KNDC1: variants seen among roughly 807,000 people sequenced by gnomAD.
The protein encoded by KNDC1 is kinase non-catalytic C-lobe domain-containing protein 1.
A neutral mutation model predicts 172.8 loss-of-function variants in KNDC1; 106 were observed. That is an observed-to-expected ratio of 0.61 (90% CI 0.52 to 0.72). The LOEUF (loss-of-function observed/expected upper bound fraction) is 0.72, where lower values mean the gene tolerates loss of function less well. Among genes scored for constraint, KNDC1 ranks in the 30% least tolerant of loss-of-function variants. KNDC1 has a pLI of 0.00. For synonymous variants in KNDC1, 1,083 were observed against 1,062.2 expected (o/e 1.02, Z -0.38); for missense variants, 2,325 against 2,394.5 (o/e 0.97, Z 0.61).
intron 3 of KNDC1, among the ~76,000 whole-genome samples, chr10:133,182,928 G>T (rs1352847580): frequency 2.4e-4 from 2 of 8,304 alleles, no homozygotes; most frequent in Admixed American, 2.6e-3. Context: ...GGCACGGACG[G>T]TGTGGGCACA....
At chr10:133,166,135 A>T (rs1257564578) in intron 1 of KNDC1, among the ~76,000 whole-genome samples, 1 of 151,828 alleles carries the variant, frequency 6.6e-6, no homozygotes, top group Non-Finnish European at 1.5e-5. Flanking sequence ...GGGTAGGGGG[A>T]CCGGAGGCAG....
chr10:133,170,357 A>G (rs999962752), intron 3 of KNDC1, among the ~76,000 whole-genome samples: 56 of 151,170 alleles, frequency 3.7e-4, no homozygotes, highest in Non-Finnish European at 6.0e-4. Flanking sequence ...GGGGCCTGGG[A>G]TCTGGGGTCT....
At chr10:133,220,199 G>C in intron 29 of KNDC1, 87 bp downstream of exon 29, 1 of 946,648 alleles carries the variant, frequency 1.1e-6, no homozygotes, top group Non-Finnish European at 1.5e-6. Context: ...TCAGGCGGCC[G>C]CGCGCCCAGG....
intron 9 of KNDC1, among the ~76,000 whole-genome samples, chr10:133,190,489 G>A (rs974759643): frequency 1.3e-4 from 20 of 152,230 alleles, no homozygotes; most frequent in South Asian, 2.1e-4. Flanking sequence ...GACGGCAGCC[G>A]GCGAGGGGCC....
Position 133,206,791 on chromosome 10 carries a change from T to G in KNDC1, c.3481+13T>G, listed in dbSNP as rs1845207044. 6.2e-7 allele frequency: 1 copy of G among 1,613,812 alleles called. No individual in the cohort carries two copies. The highest frequency in any genetic ancestry group is 8.5e-7 in the Non-Finnish European group (1 of 1,179,766). On this transcript the variant is annotated intron_variant, in intron 18 of 29. Coordinates refer to ENST00000304613, the MANE Select transcript of KNDC1 (RefSeq NM_152643.8). ...AAGAGGAACAAAGGTAAGGCCCCTGTGGGCACAGGTCCGAGACCCTGGCTG... is the reference window on the plus strand; with the variant it reads ...AAGAGGAACAAAGGTAAGGCCCCTGGGGGCACAGGTCCGAGACCCTGGCTG...
chr10:133,206,881 C>T lies in KNDC1; in HGVS notation c.3507C>T (p.Ser1169=), dbSNP rs2136012768. 6.2e-7 allele frequency: 1 copy of T among 1,614,158 alleles called. No homozygotes were observed. The highest frequency in any genetic ancestry group is 2.2e-5 in the East Asian group (1 of 44,882). The change falls in exon 19 of 30, where the codon TCC becomes TCT. Residue 1169 remains serine (S), a synonymous_variant. Coordinates refer to ENST00000304613, the MANE Select transcript of KNDC1 (RefSeq NM_152643.8). The part of the protein sequence containing the change: ...NKGSDVKTML[S]KLKGQLEEMK... ...GTTCCGACGTCAAGACCATGCTGTC[C>T]AAGCTGAAAGGGCAGCTAGAAGAAA... is the stretch of plus-strand genomic sequence containing the variant.
At chr10:133,165,902 A>G (rs1052998519) in intron 1 of KNDC1, among the ~76,000 whole-genome samples, 1 of 152,174 alleles carries the variant, frequency 6.6e-6, no homozygotes, top group Non-Finnish European at 1.5e-5. Flanking sequence ...AAGAGCTGGA[A>G]GGGCCTGGGA....
intron 1 of KNDC1, among the ~76,000 whole-genome samples, chr10:133,166,469 G>A (rs968514098): frequency 3.9e-5 from 6 of 152,172 alleles, no homozygotes; most frequent in East Asian, 1.9e-4. Context: ...ATGTCTGTGC[G>A]TGCATATGGT....
chr10:133,176,440 T>G (rs1268823997), intron 3 of KNDC1, among the ~76,000 whole-genome samples: 3 of 152,140 alleles, frequency 2.0e-5, no homozygotes, highest in Non-Finnish European at 4.4e-5. Flanking sequence ...GAATCACTGT[T>G]GAGAGCATGA....
intron 3 of KNDC1, among the ~76,000 whole-genome samples, chr10:133,172,201 A>G (rs1354355788): frequency 6.6e-6 from 1 of 152,092 alleles, no homozygotes; most frequent in Non-Finnish European, 1.5e-5. Context: ...CCCCCATTCT[A>G]AAAAGAGCGC....
At chr10:133,177,128 T>C (rs1298480517) in intron 3 of KNDC1, among the ~76,000 whole-genome samples, 1 of 152,206 alleles carries the variant, frequency 6.6e-6, no homozygotes, top group East Asian at 1.9e-4. Flanking sequence ...AATGTATCCA[T>C]GTCCATGTCC....
At position 133,220,062 on chromosome 10, in the gene KNDC1, G is replaced by A. The variant is rs1845550764; in HGVS notation, c.4968G>A (p.Glu1656=). ...TGGCCATGCACATCCAGCAGCTGGA[G>A]ACAGGCGGCTTCACCATGACCAACG... ...HLLAMHIQQL[E]TGGFTMTNGA... The change falls in exon 29 of 30, where the codon GAG becomes GAA. Residue 1656 remains glutamate, a synonymous_variant. Coordinates refer to ENST00000304613, the MANE Select transcript of KNDC1 (RefSeq NM_152643.8). 6.4e-7 allele frequency: 1 copy of A among 1,565,704 alleles called. No homozygotes were observed. The highest frequency in any genetic ancestry group is 2.4e-5 in the East Asian group (1 of 42,330).
rs550148739 is a variant in KNDC1, at chr10:133,215,337, A to G, written c.4677+1215A>G. Among the ~76,000 whole-genome samples, 47 of 152,328 alleles carry G rather than the reference A, an allele frequency of 3.1e-4. No homozygotes were observed. The South Asian group carries it at 9.1e-3, about 30-fold the overall frequency. On this transcript the variant is annotated intron_variant, in intron 26 of 29. Transcript: ENST00000304613. ...GGCGGCAAAGCCACCTCCACGGTGG[A>G]CAGAGCTTCCCTTCCTATTATTCCT... is the stretch of plus-strand genomic sequence containing the variant.
At chr10:133,187,256 C>G (rs1221263739) in intron 6 of KNDC1, among the ~76,000 whole-genome samples, 1 of 152,230 alleles carries the variant, frequency 6.6e-6, no homozygotes, top group Non-Finnish European at 1.5e-5. Context: ...CCAGTGCTGC[C>G]CCTGGTCAGC....
chr10:133,210,388 A>G (rs1259639972), intron 20 of KNDC1, among the ~76,000 whole-genome samples: 1 of 139,514 alleles, frequency 7.2e-6, no homozygotes, highest in African/African-American at 2.6e-5. Context: ...AAAAAAAAAA[A>G]AGGCCCTGGT....
chr10:133,164,801 G>C (rs894649836), intron 1 of KNDC1, among the ~76,000 whole-genome samples: 1 of 152,210 alleles, frequency 6.6e-6, no homozygotes, highest in Non-Finnish European at 1.5e-5. Context: ...TGGTCGTGGG[G>C]TTGTCTGCTG....
Position 133,224,826 on chromosome 10 carries a change from C to G in KNDC1, c.5186C>G (p.Ser1729Cys). Residue 1729 changes from serine (S) to cysteine (C), a missense_variant, in exon 30 of 30, where the codon TCC becomes TGC. By Grantham distance (112) the Ser-to-Cys change is moderately radical. Transcript: ENST00000304613. This position sits in a 1 kb window ranked among gnomAD's most constrained non-coding sequence, Gnocchi z 5.4. ...ADSRANFHQV[S>C]SEKHSRKIQD... ...AGCAGGGCCAACTTCCACCAGGTCT[C>G]CAGCGAGAAGCACTCACGGAAGATT... The G allele has an allele frequency of 6.2e-7, 1 of 1,614,132 alleles. No individual in the cohort carries two copies. Among genetic ancestry groups the G allele is most frequent in the South Asian group, 1.1e-5 (1 of 91,086 alleles).
At chr10:133,200,645 C>CTT (rs1349770601) in intron 16 of KNDC1, among the ~76,000 whole-genome samples, 185 bp downstream of exon 16, 5,685 of 151,358 alleles carry the variant, frequency 0.038, 453 homozygotes, top group East Asian at 0.19. Context: ...CAAAGGCCGC[C>CTT]CTCTCCTGGG....
Position 133,224,513 on chromosome 10 carries a change from A to G in KNDC1, c.5019-146A>G. 1 of 639,572 alleles carries G rather than the reference A, an allele frequency of 1.6e-6. No homozygotes were observed. Among genetic ancestry groups the G allele is most frequent in the South Asian group, 2.0e-5 (1 of 51,124 alleles). 39.6% of individuals were successfully genotyped at this position (639,572 alleles called of 1,614,324 possible). On this transcript the variant is annotated intron_variant, in intron 29 of 29. Transcript: ENST00000304613. This position sits in a 1 kb window ranked among gnomAD's most constrained non-coding sequence, Gnocchi z 5.4. ...GAGTAGTGACCTTTCCACCTCGCCA[A>G]TAAATACAGACAACCCACCCTTCAG...
Sources: gnomAD v4.1 joint callset for allele counts (sites outside exome capture counted in the v4.1 genomes callset) on GRCh38, gnomAD v4.1.1 for gene constraint, Gnocchi (gnomAD v3.1) non-coding constraint, MANE v1.5 for transcripts, NCBI Gene and HGNC (gene_info 2026-07-23, HGNC 2026-07-21) for gene names.